Variants in UGGT2 observed in about 807,000 individuals in gnomAD.
UGGT2 encodes UDP-glucose glycoprotein glucosyltransferase 2, also known as UDP-glucose:glycoprotein glucosyltransferase 2.
In UGGT2, 180 loss-of-function variants were observed where a neutral mutation model predicts 192.1. The observed-to-expected ratio is 0.94, with a 90% CI of 0.83 to 1.06. The LOEUF is 1.06. Ranked by LOEUF, UGGT2 falls within the 50% of genes least tolerant of loss-of-function variation. The pLI, the probability that UGGT2 is intolerant of heterozygous loss-of-function variation, is 0.00. For missense variants in UGGT2, 1,849 were observed against 1,795.7 expected (o/e 1.03, Z -0.54); for synonymous variants, 580 against 591.0 (o/e 0.98, Z 0.27).
intron 36 of UGGT2, among the ~76,000 whole-genome samples, chr13:95,843,576 C>A (rs1019175788): frequency 2.0e-5 from 3 of 152,102 alleles, no homozygotes; most frequent in African/African-American, 7.2e-5. Context: ...GAGATTTTCT[C>A]CTATCTTCTA....
At chr13:95,957,708 T>C (rs544271274) in intron 12 of UGGT2, among the ~76,000 whole-genome samples, 8 of 152,348 alleles carry the variant, frequency 5.3e-5, no homozygotes, top group African/African-American at 1.7e-4. Context: ...GATATTATTT[T>C]ACAAAGAGAA....
chr13:95,916,959 T>C (rs147469539), intron 20 of UGGT2, among the ~76,000 whole-genome samples: 5 of 150,670 alleles, frequency 3.3e-5, no homozygotes, highest in East Asian at 4.0e-4. Context: ...CAGAACCAAG[T>C]TGAAAAACAT....
chr13:95,904,153 CTGA>C (rs2048198953), intron 20 of UGGT2, among the ~76,000 whole-genome samples: 1 of 151,940 alleles, frequency 6.6e-6, no homozygotes, highest in South Asian at 2.1e-4. Context: ...TTGTAGTGTA[CTGA>C]TGATGTGTTA....
intron 9 of UGGT2, among the ~76,000 whole-genome samples, chr13:95,984,742 T>C (rs1272412738): frequency 6.6e-6 from 1 of 152,180 alleles, no homozygotes; most frequent in Non-Finnish European, 1.5e-5. Flanking sequence ...CATGACTAGC[T>C]TTTACAAATT....
intron 4 of UGGT2, 49 bp downstream of exon 4, chr13:96,022,991 C>A: frequency 1.5e-6 from 2 of 1,346,280 alleles, no homozygotes; most frequent in South Asian, 1.9e-5. Context: ...TGCTATTGAA[C>A]TCTCCTCTCT....
At chr13:95,825,942 T>C (rs1273728882) in intron 38 of UGGT2, among the ~76,000 whole-genome samples, 1 of 152,148 alleles carries the variant, frequency 6.6e-6, no homozygotes. Context: ...TTGCTACTGC[T>C]CTTCTGTGTC....
At chr13:95,913,142 A>G (rs1325889881) in intron 20 of UGGT2, among the ~76,000 whole-genome samples, 2 of 152,242 alleles carry the variant, frequency 1.3e-5, no homozygotes, top group Non-Finnish European at 2.9e-5. Flanking sequence ...CCCCTAGAAG[A>G]AAACCTAGGC....
At chr13:95,819,395 A>G (rs1462911255) in intron 38 of UGGT2, among the ~76,000 whole-genome samples, 6 of 152,116 alleles carry the variant, frequency 3.9e-5, no homozygotes, top group African/African-American at 1.4e-4. Flanking sequence ...CCTTACATCT[A>G]TCTTTGATTT....
chr13:95,925,247 A>G (rs2048981393), intron 20 of UGGT2, among the ~76,000 whole-genome samples: 1 of 152,206 alleles, frequency 6.6e-6, no homozygotes, highest in African/African-American at 2.4e-5. Context: ...AAGGCTTAAA[A>G]TATTCTTCAG....
chr13:95,844,612 G>A (rs1411400708), intron 36 of UGGT2, among the ~76,000 whole-genome samples: 1 of 152,152 alleles, frequency 6.6e-6, no homozygotes, highest in Admixed American at 6.5e-5. Flanking sequence ...TACAGAATTG[G>A]ATTTTCATAG....
intron 36 of UGGT2, among the ~76,000 whole-genome samples, chr13:95,842,116 C>T (rs1026601217): frequency 5.9e-5 from 9 of 152,156 alleles, no homozygotes; most frequent in African/African-American, 2.2e-4. Context: ...GAAACCATCA[C>T]ATAATTAACA....
chr13:95,878,321 G>A (rs542773083), intron 27 of UGGT2, among the ~76,000 whole-genome samples: 200 of 152,026 alleles, frequency 1.3e-3, no homozygotes, highest in African/African-American at 4.7e-3. Flanking sequence ...ATAAAAATTC[G>A]TTTTCCACTT....
chr13:95,820,480 T>A lies in UGGT2; in HGVS notation c.4528+12447A>T, dbSNP rs775387957. On this transcript the variant is annotated intron_variant, in intron 38 of 38. Coordinates refer to ENST00000376747, the MANE Select transcript of UGGT2 (RefSeq NM_020121.4). ...AAATAAATATTAAAACCTGAAAAAA[T>A]TGCACAAAAGAGCTCTACAGTTTTC... Among the ~76,000 whole-genome samples the A allele has an allele frequency of 2.6e-5, 4 of 152,000 alleles. No homozygotes were observed. The South Asian group carries it at 8.3e-4, about 32-fold the overall frequency.
In UGGT2 at chr13:95,807,716, CTTTTTTTT is replaced by C; in HGVS notation, c.4529-5912_4529-5905del. Among the ~76,000 whole-genome samples the C allele has an allele frequency of 5.7e-3, 448 of 78,720 alleles. 19 individuals carry two copies. Among genetic ancestry groups the C allele is most frequent in the African/African-American group, 0.022 (426 of 19,384 alleles). The allele number at this position is 78,720 out of a possible 152,430, so 51.6% of individuals were successfully genotyped here. A position where few individuals can be genotyped will look rare whatever the true frequency, so the allele number is the denominator to read the frequency against. On this transcript the variant is annotated intron_variant, in intron 38 of 38. Coordinates refer to ENST00000376747, the MANE Select transcript of UGGT2 (RefSeq NM_020121.4). ...GTATCTTGAAACCCTCAGCCCTCAC[CTTTTTTTT>C]TTTTTTTTTTTGCCGTATTCACAAT...
intron 5 of UGGT2, among the ~76,000 whole-genome samples, chr13:96,009,967 G>A (rs1207710107): frequency 6.6e-6 from 1 of 152,042 alleles, no homozygotes; most frequent in East Asian, 1.9e-4. Flanking sequence ...CAGTCAGAAT[G>A]GCTACTATTA....
At chr13:95,847,616 G>A (rs1339406403) in intron 36 of UGGT2, among the ~76,000 whole-genome samples, 1 of 152,044 alleles carries the variant, frequency 6.6e-6, no homozygotes, top group Non-Finnish European at 1.5e-5. Context: ...GTTCTTCCTT[G>A]TCTTTTCATG....
At chr13:96,008,059 A>G (rs2052035870) in intron 5 of UGGT2, among the ~76,000 whole-genome samples, 2 of 152,238 alleles carry the variant, frequency 1.3e-5, no homozygotes, top group Admixed American at 6.5e-5. Context: ...AGACTCAAAT[A>G]TAAGACCCAA....
At chr13:95,807,312 T>G (rs1884353093) in intron 38 of UGGT2, among the ~76,000 whole-genome samples, 2 of 152,114 alleles carry the variant, frequency 1.3e-5, no homozygotes, top group Non-Finnish European at 2.9e-5. Context: ...TCTTGCTGTC[T>G]CAGGTGGCAG....
intron 20 of UGGT2, among the ~76,000 whole-genome samples, chr13:95,923,542 A>G (rs1354138999): frequency 6.6e-6 from 1 of 152,054 alleles, no homozygotes; most frequent in Admixed American, 6.6e-5. Context: ...CAAATTTTGT[A>G]TTTTTAGTGG....
Sources: allele counts gnomAD v4.1 joint callset (sites outside exome capture counted in the v4.1 genomes callset), GRCh38; gene constraint gnomAD v4.1.1; transcripts MANE v1.5; gene names NCBI Gene and HGNC (gene_info 2026-07-23, HGNC 2026-07-21).